The following CADPS2 variants were observed in gnomAD, a reference collection of about 807,000 sequenced individuals.
CADPS2 encodes calcium-dependent secretion activator 2.
In CADPS2, 93 loss-of-function variants were observed where a neutral mutation model predicts 172.5. The observed-to-expected ratio is 0.54, with a 90% CI of 0.46 to 0.64. The LOEUF (loss-of-function observed/expected upper bound fraction) is 0.64, where lower values mean the gene tolerates loss of function less well. CADPS2 is among the 30% of genes least tolerant of loss of function. CADPS2 has a pLI of 0.00. For synonymous variants in CADPS2, 546 were observed against 555.2 expected, an observed-to-expected ratio of 0.98 and a Z score of 0.23; for missense variants, 1,420 against 1,565.9, an observed-to-expected ratio of 0.91 and a Z score of 1.57.
intron 28 of CADPS2, among the ~76,000 whole-genome samples, chr7:122,336,642 T>C (rs1334520207): frequency 1.3e-5 from 2 of 152,200 alleles, no homozygotes; most frequent in Non-Finnish European, 2.9e-5. Context: ...GAGAGAATAT[T>C]CTAATTTCTT....
intron 2 of CADPS2, among the ~76,000 whole-genome samples, chr7:122,710,701 C>T (rs965947598): frequency 3.3e-5 from 5 of 152,090 alleles, no homozygotes; most frequent in African/African-American, 9.7e-5. Flanking sequence ...TCTTTACAGA[C>T]CCATTTCAAT....
chr7:122,867,707 G>C (rs955985865), intron 1 of CADPS2, among the ~76,000 whole-genome samples: 15 of 152,184 alleles, frequency 9.9e-5, no homozygotes, highest in Admixed American at 3.3e-4. Flanking sequence ...AGCAAATAAA[G>C]AATAAACTTA....
Position 122,386,210 on chromosome 7 carries a change from T to C in CADPS2, c.3312+816A>G, listed in dbSNP as rs2043646974. On this transcript the variant is annotated intron_variant, in intron 24 of 29. Transcript: ENST00000449022. ...GAAAATAAATTTATATAATTTTAATTTGAAAAGATGAAAATAAAAAATATA... is the reference window on the plus strand; with the variant it reads ...GAAAATAAATTTATATAATTTTAATCTGAAAAGATGAAAATAAAAAATATA... 3.1e-6 allele frequency: 3 copies of C among 966,824 alleles called. No individual in the cohort carries two copies. In the South Asian group the frequency reaches 7.8e-5, roughly 25 times the overall value. The allele number at this position is 966,824 out of a possible 1,614,324, so 59.9% of individuals were successfully genotyped here. A position where few individuals can be genotyped will look rare whatever the true frequency, so the allele number is the denominator to read the frequency against.
intron 3 of CADPS2, among the ~76,000 whole-genome samples, chr7:122,634,748 G>A (rs916282723): frequency 3.3e-5 from 5 of 152,086 alleles, no homozygotes; most frequent in East Asian, 1.9e-4. Context: ...TTGTTAGATC[G>A]TTAATTTGAG....
Position 122,581,269 on chromosome 7 carries a change from G to A in CADPS2, c.1245C>T (p.Phe415=). ...SRPQWGTQGD[F]TTTHPRPVVK... ...CCACAGGCCGAGGATGGGTGGTGGT[G>A]AAATCTCCTTGAGTCCCCCATCTGT... The change falls in exon 7 of 30, where the codon TTC becomes TTT. Residue 415 remains phenylalanine (F), a synonymous_variant. Coordinates refer to ENST00000449022, the MANE Select transcript of CADPS2 (RefSeq NM_017954.11). 11 of 1,612,964 alleles carry A rather than the reference G, an allele frequency of 6.8e-6. No individual in the cohort carries two copies. The highest frequency in any genetic ancestry group is 9.3e-6 in the Non-Finnish European group (11 of 1,179,240).
intron 17 of CADPS2, among the ~76,000 whole-genome samples, chr7:122,434,115 G>A (rs189154783): frequency 2.0e-5 from 3 of 152,290 alleles, no homozygotes; most frequent in Non-Finnish European, 4.4e-5. Context: ...TGTTGTAGGG[G>A]AGAAAATGCC....
chr7:122,801,778 A>T (rs1040077663), intron 1 of CADPS2, among the ~76,000 whole-genome samples: 3 of 149,928 alleles, frequency 2.0e-5, no homozygotes, highest in East Asian at 2.0e-4. Context: ...ATTTTTATTT[A>T]TTTTTTTTTT....
intron 22 of CADPS2, among the ~76,000 whole-genome samples, chr7:122,390,008 CT>C (rs377715457): frequency 1.1e-4 from 16 of 152,110 alleles, no homozygotes; most frequent in Middle Eastern, 6.8e-3. Flanking sequence ...AAGCTTATTC[CT>C]GCCCTCCACC....
chr7:122,425,418 T>C (rs1399461596), intron 17 of CADPS2, among the ~76,000 whole-genome samples: 2 of 117,984 alleles, frequency 1.7e-5, no homozygotes, highest in African/African-American at 6.6e-5. Flanking sequence ...CGAAACCCTA[T>C]CTCTACCAAA....
intron 1 of CADPS2, among the ~76,000 whole-genome samples, chr7:122,882,634 T>TTTA (rs397968798): frequency 2.7e-5 from 4 of 150,296 alleles, no homozygotes; most frequent in African/African-American, 9.8e-5. Flanking sequence ...TTTTTTTTTT[T>TTTA]ACTTTCTCCT....
Position 122,857,208 on chromosome 7 carries a change from G to C in CADPS2, c.339+28791C>G, listed in dbSNP as rs143287377. ...TAGGCATGGAAACGATAATGATAAG[G>C]ATGAACTGCTCAGCACTCATTATTA... On this transcript the variant is annotated intron_variant, in intron 1 of 29. Coordinates refer to ENST00000449022, the MANE Select transcript of CADPS2 (RefSeq NM_017954.11). Among the ~76,000 whole-genome samples the C allele has an allele frequency of 3.6e-3, 541 of 152,228 alleles. 1 individual carries two copies. The highest frequency in any genetic ancestry group is 0.031 in the Middle Eastern group (9 of 294).
chr7:122,711,524 C>T (rs71574717), intron 2 of CADPS2, among the ~76,000 whole-genome samples: 5,450 of 152,170 alleles, frequency 0.036, 187 homozygotes, highest in Non-Finnish European at 0.049. Flanking sequence ...CCAACTTTTT[C>T]TCCAATCCAG....
intron 2 of CADPS2, among the ~76,000 whole-genome samples, chr7:122,674,658 T>C (rs1333467405): frequency 6.6e-6 from 1 of 152,252 alleles, no homozygotes; most frequent in Non-Finnish European, 1.5e-5. Flanking sequence ...TGTTCACACA[T>C]TGCTGTTGAT....
At chr7:122,491,483 T>G in intron 9 of CADPS2, 63 bp from the exon 10 acceptor site, 1 of 774,464 alleles carries the variant, frequency 1.3e-6, no homozygotes, top group South Asian at 2.0e-5. Context: ...TAACTTTCGT[T>G]TTTTTATCAA....
At chr7:122,410,416 G>A (rs2047161422) in intron 19 of CADPS2, among the ~76,000 whole-genome samples, 1 of 148,684 alleles carries the variant, frequency 6.7e-6, no homozygotes, top group South Asian at 2.1e-4. Flanking sequence ...ATACAAATAT[G>A]TGGCAAGCTG....
At chr7:122,659,456 A>G (rs1289933124) in intron 3 of CADPS2, among the ~76,000 whole-genome samples, 1 of 152,128 alleles carries the variant, frequency 6.6e-6, no homozygotes, top group African/African-American at 2.4e-5. Flanking sequence ...AGAGAAAAAG[A>G]GTTGAACAAA....
intron 1 of CADPS2, among the ~76,000 whole-genome samples, chr7:122,811,314 A>C (rs1384045822): frequency 6.6e-6 from 1 of 152,144 alleles, no homozygotes; most frequent in Non-Finnish European, 1.5e-5. Flanking sequence ...TTCCAAGTTA[A>C]TCTGGAGGGG....
intron 25 of CADPS2, among the ~76,000 whole-genome samples, chr7:122,374,060 AAT>A (rs1470926890): frequency 6.6e-6 from 1 of 152,158 alleles, no homozygotes; most frequent in African/African-American, 2.4e-5. Context: ...ACCATCACCA[AAT>A]GAGATTGATC....
chr7:122,481,301 T>C (rs553964589), intron 11 of CADPS2, among the ~76,000 whole-genome samples: 9 of 152,064 alleles, frequency 5.9e-5, no homozygotes, highest in Non-Finnish European at 1.3e-4. Flanking sequence ...AAAACTTTAC[T>C]AGCAGCCTGG....
Sources: gnomAD v4.1 joint callset for allele counts (sites outside exome capture counted in the v4.1 genomes callset) on GRCh38, gnomAD v4.1.1 for gene constraint, MANE v1.5 for transcripts, NCBI Gene and HGNC (gene_info 2026-07-23, HGNC 2026-07-21) for gene names.